EP300: variants seen among roughly 807,000 people sequenced by gnomAD.
The protein encoded by EP300 is histone acetyltransferase p300.
EP300 carries 31 observed loss-of-function variants against 264.0 expected under a neutral mutation model. The ratio of observed to expected loss-of-function variants is 0.12; its 90% CI spans 0.09 to 0.16. The LOEUF (loss-of-function observed/expected upper bound fraction) is 0.16. EP300 is among the 10% of genes least tolerant of loss of function. EP300 has a pLI of 1.00. For missense variants in EP300, 2,766 were observed against 3,052.9 expected, an observed-to-expected ratio of 0.91 and a Z score of 2.21; for synonymous variants, 1,340 against 1,045.4, an observed-to-expected ratio of 1.28 and a Z score of -5.44.
At chr22:41,122,798 G>A (rs913950816) in intron 2 of EP300, among the ~76,000 whole-genome samples, 2 of 152,036 alleles carry the variant, frequency 1.3e-5, no homozygotes, top group African/African-American at 4.8e-5. Context: ...GGAGATGCCT[G>A]TAATCCCAGC....
At chr22:41,122,912 T>G (rs192067007) in intron 2 of EP300, among the ~76,000 whole-genome samples, 1 of 152,184 alleles carries the variant, frequency 6.6e-6, no homozygotes, top group East Asian at 1.9e-4. Flanking sequence ...GGTGCAAGCT[T>G]GTAGTCCCAT....
At chr22:41,146,011 A>G (rs1248072999) in intron 10 of EP300, among the ~76,000 whole-genome samples, 1 of 152,050 alleles carries the variant, frequency 6.6e-6, no homozygotes. Context: ...ATCAATGTTC[A>G]CAGTTTATGT....
rs1386526100 is a variant in EP300, at chr22:41,178,526, C to T, written c.6815C>T (p.Pro2272Leu). 2 of 1,614,084 alleles carry T rather than the reference C, an allele frequency of 1.2e-6. No homozygotes were observed. The highest frequency in any genetic ancestry group is 1.7e-6 in the Non-Finnish European group (2 of 1,179,998). ...QRLLQQQMGS[P>L]VQPNPMSPQQ... Reference sequence around the variant, plus strand: ...CTCCTTCAGCAACAGATGGGGTCCCCTGTTCAGCCCAACCCCATGAGCCCC... The same window carrying T: ...CTCCTTCAGCAACAGATGGGGTCCCTTGTTCAGCCCAACCCCATGAGCCCC... The change falls in exon 31 of 31, where the codon CCT becomes CTT. Residue 2272 changes from proline to leucine, a missense_variant. Coordinates refer to ENST00000263253, the MANE Select transcript of EP300 (RefSeq NM_001429.4).
chr22:41,119,189 T>A lies in EP300; in HGVS notation c.729+1368T>A, dbSNP rs796606698. ...GGCTTATTATTATTTTTTTTTTTTTTTTTTTTTTTTTTAAGAGATGGGGTC... is the reference window on the plus strand; with the variant it reads ...GGCTTATTATTATTTTTTTTTTTTTATTTTTTTTTTTTAAGAGATGGGGTC... On this transcript the variant is annotated intron_variant, in intron 2 of 30. Transcript: ENST00000263253. 8.8e-3 allele frequency among the ~76,000 whole-genome samples: 1,257 copies of A among 142,638 alleles called. 20 individuals carry two copies. The highest frequency in any genetic ancestry group is 0.029 in the African/African-American group (1,144 of 38,814). The allele number at this position is 142,638 out of a possible 152,430, so 93.6% of individuals were successfully genotyped here. A position where few individuals can be genotyped will look rare whatever the true frequency, so the allele number is the denominator to read the frequency against.
In EP300 at chr22:41,137,703, C is replaced by G; in HGVS notation, c.1673C>G (p.Thr558Arg). ...ASVPSLGPMPTAAQPSTTGIR... is the reference protein window; with the variant it reads ...ASVPSLGPMPRAAQPSTTGIR... The stretch of plus-strand genomic sequence containing the variant: ...GTGCCCTCCCTGGGTCCTATGCCAA[C>G]AGCAGCTCAACCATCCACTACTGGA... Residue 558 changes from threonine to arginine, a missense_variant, in exon 8 of 31, where the codon ACA becomes AGA. Physicochemically the swap from Thr to Arg is moderately conservative, Grantham distance 71. Coordinates refer to ENST00000263253, the MANE Select transcript of EP300 (RefSeq NM_001429.4). 1.2e-6 allele frequency: 2 copies of G among 1,614,196 alleles called. No individual in the cohort carries two copies. Among genetic ancestry groups the G allele is most frequent in the South Asian group, 2.2e-5 (2 of 91,088 alleles).
chr22:41,156,341 A>G (rs988682175), intron 17 of EP300, among the ~76,000 whole-genome samples: 2 of 152,212 alleles, frequency 1.3e-5, no homozygotes, highest in Non-Finnish European at 2.9e-5. Flanking sequence ...GCAATAGGTC[A>G]TAGCAGAAAA....
intron 3 of EP300, 72 bp downstream of exon 3, chr22:41,126,112 C>G (rs1462366919): frequency 3.1e-5 from 46 of 1,503,734 alleles, no homozygotes; most frequent in Non-Finnish European, 1.7e-5. Context: ...AAACTTTCAC[C>G]CTTCTGTTAT....
intron 1 of EP300, among the ~76,000 whole-genome samples, chr22:41,106,361 C>T (rs1005971150): frequency 6.6e-6 from 1 of 152,108 alleles, no homozygotes; most frequent in African/African-American, 2.4e-5. Flanking sequence ...GTTTTCAACT[C>T]CATTCTTTTT....
intron 1 of EP300, among the ~76,000 whole-genome samples, chr22:41,100,332 G>A (rs1012255944): frequency 2.6e-5 from 4 of 152,212 alleles, no homozygotes; most frequent in African/African-American, 4.8e-5. Flanking sequence ...ACGGGGTAAG[G>A]ATGAACTCCT....
At position 41,168,969 on chromosome 22, in the gene EP300, T is replaced by C. The variant is rs1216078666; in HGVS notation, c.4172+102T>C. The C allele has an allele frequency of 5.2e-6, 8 of 1,531,380 alleles. No homozygotes were observed. In the African/African-American group the frequency reaches 1.1e-4, roughly 21 times the overall value. The allele number at this position is 1,531,380 out of a possible 1,614,324, so 94.9% of individuals were successfully genotyped here. On this transcript the variant is annotated intron_variant, in intron 25 of 30. Transcript: ENST00000263253. The stretch of plus-strand genomic sequence containing the variant: ...GCAAGAAAATGTTTAGTGTGTTTGG[T>C]TTGGAAATGCAAAATCTCAAGTGTC...
intron 2 of EP300, 76 bp from the exon 3 acceptor site, chr22:41,125,788 A>C (rs2058878535): frequency 6.8e-7 from 1 of 1,463,634 alleles, no homozygotes; most frequent in Admixed American, 1.8e-5. Flanking sequence ...GTGAACTTGG[A>C]AGTGAAATCA....
chr22:41,175,075 CAATT>C (rs1476621289), intron 29 of EP300, among the ~76,000 whole-genome samples: 2 of 152,018 alleles, frequency 1.3e-5, no homozygotes, highest in Admixed American at 6.6e-5. Flanking sequence ...TGATTATTAA[CAATT>C]AATAGTTACT....
rs78617850 is a variant in EP300 at position 41,172,308 on chromosome 22, T to C, written c.4453-191T>C. Among the ~76,000 whole-genome samples the C allele has an allele frequency of 0.014, 2,070 of 152,336 alleles. 39 individuals carry two copies. The highest frequency in any genetic ancestry group is 0.039 in the African/African-American group (1,627 of 41,576). On this transcript the variant is annotated intron_variant, in intron 27 of 30. Coordinates refer to ENST00000263253, the MANE Select transcript of EP300 (RefSeq NM_001429.4). ...TAGAAGAAATAGAAAACCGGAAATA[T>C]TGACTTTAGGCCAGGCCTTTTCACT...
At chr22:41,173,578 T>C (rs776301176) in intron 28 of EP300, 45 bp from the exon 29 acceptor site, 2 of 1,607,308 alleles carry the variant, frequency 1.2e-6, no homozygotes, top group Admixed American at 1.7e-5. Context: ...CCCAAATTAC[T>C]TAACAAAAAC....
At chr22:41,119,001 C>A (rs1285928735) in intron 2 of EP300, among the ~76,000 whole-genome samples, 2 of 140,556 alleles carry the variant, frequency 1.4e-5, no homozygotes, top group Non-Finnish European at 3.1e-5. Context: ...TCACCCCCGC[C>A]ACCTTTTTTT....
At chr22:41,125,112 CTTTTTTTTTTTTT>C (rs930135062) in intron 2 of EP300, among the ~76,000 whole-genome samples, 2 of 80,348 alleles carry the variant, frequency 2.5e-5, no homozygotes, top group African/African-American at 5.0e-5. Flanking sequence ...CTTTTCTTTC[CTTTTTTTTTTTTT>C]TTTTTTTTTT....
At chr22:41,142,320 T>C (rs145324176) in intron 10 of EP300, among the ~76,000 whole-genome samples, 4 of 152,288 alleles carry the variant, frequency 2.6e-5, no homozygotes, top group East Asian at 1.9e-4. Context: ...CTTTCATTCA[T>C]TGAAGTAGTA....
intron 1 of EP300, among the ~76,000 whole-genome samples, chr22:41,113,157 A>AC (rs10529110): frequency 0.032 from 2,947 of 92,814 alleles, 434 homozygotes; most frequent in African/African-American, 0.085. Flanking sequence ...TCAGGATTCC[A>AC]CCCCCCCCCC....
intron 1 of EP300, among the ~76,000 whole-genome samples, chr22:41,112,048 C>T (rs1396400636): frequency 1.3e-5 from 2 of 151,656 alleles, no homozygotes; most frequent in South Asian, 2.1e-4. Flanking sequence ...CCACCGCGCC[C>T]AGCTAATTTT....
Sources: allele counts gnomAD v4.1 joint callset (sites outside exome capture counted in the v4.1 genomes callset), GRCh38; gene constraint gnomAD v4.1.1; transcripts MANE v1.5; gene names NCBI Gene and HGNC (gene_info 2026-07-23, HGNC 2026-07-21).